The following PSMG4 variants were observed in gnomAD, a reference collection of about 807,000 sequenced individuals.
PSMG4 encodes the protein proteasome (prosome, macropain) assembly chaperone 4.
A neutral mutation model predicts 11.0 loss-of-function variants in PSMG4; 10 were observed. The ratio of observed to expected loss-of-function variants is 0.91; its 90% confidence interval spans 0.56 to 1.54. The LOEUF (loss-of-function observed/expected upper bound fraction) is 1.54. Among genes scored for constraint, PSMG4 ranks in the 40% most tolerant of loss-of-function variants. The pLI is 0.00. For missense variants in PSMG4, 198 were observed against 160.9 expected, an observed-to-expected ratio of 1.23 and a Z score of -1.25; for synonymous variants, 95 against 71.3, an observed-to-expected ratio of 1.33 and a Z score of -1.68.
chr6:3,255,045 G>A (rs773139004), upstream of PSMG4: 64 of 1,550,364 alleles, frequency 4.1e-5, no homozygotes, highest in Admixed American at 1.4e-4. Context: ...CTGATTCTCT[G>A]GACAGGAACA....
upstream of PSMG4, among the ~76,000 whole-genome samples, chr6:3,254,449 T>TG (rs1224847217): frequency 5.8e-5 from 4 of 68,676 alleles, no homozygotes; most frequent in Middle Eastern, 5.6e-3. Flanking sequence ...AATAGTTTTC[T>TG]GCTTTTTTTG....
intron 1 of PSMG4, among the ~76,000 whole-genome samples, chr6:3,260,291 A>ATATATATTTTTTT: frequency 2.8e-5 from 2 of 70,840 alleles, no homozygotes; most frequent in African/African-American, 1.1e-4. Context: ...ATATATATAT[A>ATATATATTTTTTT]TTTTTTTTTT....
At chr6:3,255,196 A>G, upstream of PSMG4, 1 of 1,550,432 alleles carries the variant, frequency 6.4e-7, no homozygotes, top group Non-Finnish European at 8.7e-7. Flanking sequence ...TGGAAGTAGG[A>G]TGTTTGGTGG....
intron 2 of PSMG4, chr6:3,264,536 T>A: frequency 1.1e-6 from 1 of 947,848 alleles, no homozygotes; most frequent in Non-Finnish European, 1.5e-6. Context: ...ACGAATAGCA[T>A]GGCACCTGGC....
At chr6:3,262,758 G>T (rs548326542) in intron 1 of PSMG4, among the ~76,000 whole-genome samples, 95 of 149,626 alleles carry the variant, frequency 6.3e-4, no homozygotes, top group African/African-American at 2.2e-3. Context: ...CTGCTATTTT[G>T]ATAAAAGCAA....
chr6:3,257,312 T>G (rs2127254254), upstream of PSMG4, among the ~76,000 whole-genome samples: 2 of 152,320 alleles, frequency 1.3e-5, no homozygotes, highest in Admixed American at 1.3e-4. Context: ...TCTGCCTGTG[T>G]GTTTCCCGAG....
intron 1 of PSMG4, among the ~76,000 whole-genome samples, chr6:3,260,291 A>ATATATATATATATATATATATATATTT: frequency 1.4e-5 from 1 of 70,842 alleles, no homozygotes; most frequent in African/African-American, 5.5e-5. Flanking sequence ...ATATATATAT[A>ATATATATATATATATATATATATATTT]TTTTTTTTTT....
upstream of PSMG4, among the ~76,000 whole-genome samples, chr6:3,257,934 G>A (rs1455421503): frequency 6.6e-6 from 1 of 152,200 alleles, no homozygotes; most frequent in Non-Finnish European, 1.5e-5. Flanking sequence ...TCGATAATTA[G>A]CAAATAGAAC....
chr6:3,258,511 G>A (rs1388445101), upstream of PSMG4, among the ~76,000 whole-genome samples: 2 of 152,172 alleles, frequency 1.3e-5, no homozygotes, highest in African/African-American at 4.8e-5. Context: ...GGAGGTGGCC[G>A]TTCTCAGAGT....
In PSMG4 at chr6:3,259,117, G is replaced by T. The variant is rs1757865777; in HGVS notation, c.95G>T (p.Arg32Leu). 1.6e-6 allele frequency: 2 copies of T among 1,282,220 alleles called. No homozygotes were observed. Among genetic ancestry groups the T allele is most frequent in the South Asian group, 2.7e-5 (1 of 36,528 alleles). The allele number at this position is 1,282,220 out of a possible 1,614,324, so 79.4% of individuals were successfully genotyped here. ...CAGCTGGTCCACTTCCACGTCATGC[G>T]GCTGACGGACTCGCTGTTCCTGTGG... is the stretch of plus-strand genomic sequence containing the variant. ...WEQLVHFHVM[R>L]LTDSLFLWVG... The change falls in exon 1 of 3, where the codon CGG (arginine) becomes CTG (leucine). Residue 32 changes from arginine to leucine, a missense_variant. By Grantham distance (102) the Arg-to-Leu change is moderately radical. Coordinates refer to ENST00000438998, the MANE Select transcript of PSMG4 (RefSeq NM_001128591.2).
intron 2 of PSMG4, chr6:3,265,831 T>TGG (rs1758161361): frequency 6.6e-6 from 1 of 151,974 alleles, no homozygotes; most frequent in Non-Finnish European, 1.5e-5. Flanking sequence ...AGCACACTGG[T>TGG]GGGAGGCTCT....
Position 3,259,021 on chromosome 6 carries a change from G to T in PSMG4, c.-2G>T. On this transcript the variant is annotated 5_prime_UTR_variant, in exon 1 of 3. Coordinates refer to ENST00000438998, the MANE Select transcript of PSMG4 (RefSeq NM_001128591.2). ...GCTGTGGGCCGGGAGCCGTGGGGCG[G>T]CATGGAGGGGCTGGTTGTCGCCGCC... The T allele has an allele frequency of 8.0e-7, 1 of 1,247,240 alleles. No homozygotes were observed. Among genetic ancestry groups the T allele is most frequent in the Non-Finnish European group, 1.0e-6 (1 of 995,120 alleles). 77.3% of individuals were successfully genotyped at this position (1,247,240 alleles called of 1,614,324 possible).
At chr6:3,264,047 CATCA>C in intron 2 of PSMG4, 1 of 1,412,012 alleles carries the variant, frequency 7.1e-7, no homozygotes. Flanking sequence ...TCCGTAAGTG[CATCA>C]CCACCTCCTG....
At chr6:3,263,931 C>A (rs1581555594) in intron 2 of PSMG4, 172 bp downstream of exon 2, 1 of 1,408,120 alleles carries the variant, frequency 7.1e-7, no homozygotes, top group East Asian at 2.5e-5. Flanking sequence ...GGGGCACATT[C>A]CATGCTCGCC....
At chr6:3,255,392 A>G (rs904609108), upstream of PSMG4, among the ~76,000 whole-genome samples, 2 of 152,154 alleles carry the variant, frequency 1.3e-5, no homozygotes, top group African/African-American at 4.8e-5. Flanking sequence ...TTGAGTGATA[A>G]CATGACAAGG....
chr6:3,254,683 C>A (rs184777988), upstream of PSMG4, among the ~76,000 whole-genome samples: 1 of 152,244 alleles, frequency 6.6e-6, no homozygotes, highest in Admixed American at 6.5e-5. Context: ...AACCACTAAA[C>A]TCAACAGAAA....
intron 2 of PSMG4, 99 bp from the exon 3 acceptor site, chr6:3,267,492 A>ATC (rs1758240889): frequency 2.1e-6 from 3 of 1,395,400 alleles, no homozygotes; most frequent in South Asian, 2.7e-5. Context: ...CTACAACCCC[A>ATC]TCCTCTTTCT....
rs201036341 is a variant in PSMG4 at position 3,259,062 on chromosome 6, C to T, written c.40C>T (p.Leu14=). 5.5e-5 allele frequency: 70 copies of T among 1,266,632 alleles called. No individual in the cohort carries two copies. The African/African-American group carries it at 9.4e-4, about 17-fold the overall frequency. 78.5% of individuals were successfully genotyped at this position (1,266,632 alleles called of 1,614,324 possible). ...LVVAAGGDVS[L]HNFSARLWEQ... is the part of the protein sequence containing the mutation. Reference sequence around the variant, plus strand: ...TGTCGCCGCCGGCGGGGACGTCTCCCTGCACAACTTCAGCGCGAGGCTGTG... The same window carrying T: ...TGTCGCCGCCGGCGGGGACGTCTCCTTGCACAACTTCAGCGCGAGGCTGTG... The change falls in exon 1 of 3, where the codon CTG becomes TTG. Residue 14 remains leucine, a synonymous_variant. Transcript: ENST00000438998.
chr6:3,256,197 C>G (rs138312235), upstream of PSMG4, among the ~76,000 whole-genome samples: 1 of 152,334 alleles, frequency 6.6e-6, no homozygotes, highest in Non-Finnish European at 1.5e-5. Flanking sequence ...ATTCTAGAAG[C>G]TTCCACTTGG....
Sources: allele counts gnomAD v4.1 joint callset (sites outside exome capture counted in the v4.1 genomes callset), GRCh38; gene constraint gnomAD v4.1.1; transcripts MANE v1.5; gene names NCBI Gene and HGNC (gene_info 2026-07-23, HGNC 2026-07-21).